Variants in ANO5 observed in about 807,000 individuals in gnomAD.
ANO5 encodes anoctamin-5.
A neutral mutation model predicts 121.0 loss-of-function variants in ANO5; 109 were observed. The ratio of observed to expected loss-of-function variants is 0.90; its 90% confidence interval spans 0.77 to 1.06. The LOEUF is 1.06. Among genes scored for constraint, ANO5 ranks in the 50% least tolerant of loss-of-function variants. ANO5 has a pLI of 0.00. For synonymous variants in ANO5, 406 were observed against 359.9 expected, an observed-to-expected ratio of 1.13 and a Z score of -1.45; for missense variants, 1,064 against 1,078.5, an observed-to-expected ratio of 0.99 and a Z score of 0.19.
intron 9 of ANO5, among the ~76,000 whole-genome samples, chr11:22,247,041 C>G (rs1437736441): frequency 6.6e-6 from 1 of 151,982 alleles, no homozygotes; most frequent in East Asian, 1.9e-4. Flanking sequence ...GGAACACACA[C>G]AAATGCGTAT....
intron 17 of ANO5, among the ~76,000 whole-genome samples, chr11:22,269,057 G>T (rs1296960094): frequency 6.7e-6 from 1 of 149,796 alleles, no homozygotes; most frequent in Non-Finnish European, 1.5e-5. Context: ...GGGAGAGAGA[G>T]AGAAAAGGAA....
At chr11:22,226,514 C>T (rs1374319214) in intron 6 of ANO5, among the ~76,000 whole-genome samples, 2 of 151,914 alleles carry the variant, frequency 1.3e-5, no homozygotes, top group African/African-American at 4.8e-5. Context: ...TATTTAATAT[C>T]TTACCCTATC....
At chr11:22,276,045 G>A in intron 20 of ANO5, 49 bp from the exon 21 acceptor site, 1 of 1,246,398 alleles carries the variant, frequency 8.0e-7, no homozygotes, top group South Asian at 1.2e-5. Flanking sequence ...TCTAGTTGAA[G>A]CTATAACTAT....
chr11:22,222,182 C>G (rs992067226), intron 5 of ANO5, among the ~76,000 whole-genome samples: 2 of 151,862 alleles, frequency 1.3e-5, no homozygotes, highest in South Asian at 4.1e-4. Flanking sequence ...TTCACTTGTC[C>G]CTGAAATTCC....
At chr11:22,262,090 A>T in intron 15 of ANO5, 39 bp from the exon 16 acceptor site, 1 of 1,605,472 alleles carries the variant, frequency 6.2e-7, no homozygotes. Flanking sequence ...AAGGAAAAAA[A>T]TAAGAAGATG....
At chr11:22,275,564 T>C (rs1042486488) in intron 20 of ANO5, among the ~76,000 whole-genome samples, 1 of 151,840 alleles carries the variant, frequency 6.6e-6, no homozygotes, top group African/African-American at 2.4e-5. Context: ...AGTGACTTTA[T>C]AGAAGAGAAT....
At chr11:22,203,874 A>T in intron 2 of ANO5, 24 bp downstream of exon 2, 1 of 1,392,616 alleles carries the variant, frequency 7.2e-7, no homozygotes. Flanking sequence ...ATATGCATTA[A>T]CTTCCTTATA....
intron 1 of ANO5, among the ~76,000 whole-genome samples, chr11:22,197,316 C>T (rs181858228): frequency 6.6e-6 from 1 of 151,066 alleles, no homozygotes; most frequent in East Asian, 1.9e-4. Flanking sequence ...CATAAACAAA[C>T]ATTGCCAGTA....
At chr11:22,205,029 G>C (rs1161178408) in intron 2 of ANO5, among the ~76,000 whole-genome samples, 1 of 152,104 alleles carries the variant, frequency 6.6e-6, no homozygotes, top group South Asian at 2.1e-4. Flanking sequence ...AAAATGACAA[G>C]ATCATGTCCT....
chr11:22,250,195 C>CA (rs1468077812), intron 9 of ANO5, 42 bp from the exon 10 acceptor site: 3 of 1,526,136 alleles, frequency 2.0e-6, no homozygotes, highest in Non-Finnish European at 2.7e-6. Context: ...CAGACTATAA[C>CA]ATTCTTCCAT....
In ANO5 at chr11:22,283,178, A is replaced by T. The variant is rs994486454; in HGVS notation, c.*3413A>T. Reference sequence around the variant, plus strand: ...GTGTATCTCTCCTATGTGTGACATTATGTCTCCTGGTGTTAACACAGGAAA... The same window carrying T: ...GTGTATCTCTCCTATGTGTGACATTTTGTCTCCTGGTGTTAACACAGGAAA... On this transcript the variant is annotated 3_prime_UTR_variant, in exon 22 of 22. Coordinates refer to ENST00000324559, the MANE Select transcript of ANO5 (RefSeq NM_213599.3). The T allele has an allele frequency of 6.6e-6, 1 of 152,186 alleles. No individual in the cohort carries two copies. Among genetic ancestry groups the T allele is most frequent in the Non-Finnish European group, 1.5e-5 (1 of 68,022 alleles). The allele number at this position is 152,186 out of a possible 1,614,324, so 9.4% of individuals were successfully genotyped here. A position where few individuals can be genotyped will look rare whatever the true frequency, so the allele number is the denominator to read the frequency against.
In ANO5 at chr11:22,227,574, A is replaced by T. The variant is rs750546581; in HGVS notation, c.636A>T (p.Ser212=). The change falls in exon 7 of 22, where the codon TCA becomes TCT. Residue 212 remains serine, a synonymous_variant. Transcript: ENST00000324559. ...EDQATFFPSS[S]RNRIVYYILS... The stretch of plus-strand genomic sequence containing the variant: ...AGGCAACCTTCTTTCCATCCTCATC[A>T]AGAAACAGAATTGTAGGTAGAGAAG... 2.5e-6 allele frequency: 4 copies of T among 1,613,374 alleles called. No homozygotes were observed. The highest frequency in any genetic ancestry group is 1.7e-4 in the Middle Eastern group (1 of 6,050).
intron 3 of ANO5, among the ~76,000 whole-genome samples, chr11:22,217,189 A>G (rs1366223442): frequency 6.6e-6 from 1 of 151,954 alleles, no homozygotes; most frequent in Non-Finnish European, 1.5e-5. Flanking sequence ...TATTCCAGGA[A>G]GAGACTAGTT....
chr11:22,276,806 G>A (rs1440612929), intron 21 of ANO5, among the ~76,000 whole-genome samples: 1 of 151,344 alleles, frequency 6.6e-6, no homozygotes, highest in African/African-American at 2.4e-5. Flanking sequence ...CAAATCATAG[G>A]GCAAGAAGGC....
intron 8 of ANO5, 68 bp downstream of exon 8, chr11:22,236,344 A>G: frequency 7.8e-6 from 10 of 1,276,032 alleles, no homozygotes; most frequent in Non-Finnish European, 1.1e-5. Flanking sequence ...ACTGGGAGAG[A>G]GAATCTTCCT....
At position 22,276,165 on chromosome 11, in the gene ANO5, T is replaced by G; in HGVS notation, c.2486T>G (p.Leu829Arg). ...CATAATATGCAATTCTGGCATGTCC[T>G]TGCTGCCAAGATGACCTTCATCATT... ...YFHNMQFWHV[L>R]AAKMTFIIVM... Residue 829 changes from leucine (L) to arginine (R), a missense_variant, in exon 21 of 22, where the codon CTT (leucine) becomes CGT (arginine). Leu to Arg is a moderately radical substitution (Grantham distance 102). Coordinates refer to ENST00000324559, the MANE Select transcript of ANO5 (RefSeq NM_213599.3). 6.2e-7 allele frequency: 1 copy of G among 1,611,580 alleles called. No homozygotes were observed. Among genetic ancestry groups the G allele is most frequent in the Non-Finnish European group, 8.5e-7 (1 of 1,178,108 alleles).
intron 3 of ANO5, among the ~76,000 whole-genome samples, chr11:22,214,832 T>A (rs1852389068): frequency 6.6e-6 from 1 of 151,940 alleles, no homozygotes; most frequent in African/African-American, 2.4e-5. Context: ...GGATATGTTT[T>A]TGGGTAAAAA....
chr11:22,261,161 G>A (rs1854175070), intron 15 of ANO5: 1 of 152,170 alleles, frequency 6.6e-6, no homozygotes, highest in Non-Finnish European at 1.5e-5. Context: ...CTTATTTGGT[G>A]TATTAGTTTG....
intron 2 of ANO5, among the ~76,000 whole-genome samples, chr11:22,209,008 A>G (rs556470070): frequency 7.9e-4 from 120 of 152,096 alleles, no homozygotes; most frequent in Middle Eastern, 6.8e-3. Flanking sequence ...GGATTGAGGC[A>G]GAACTAGAAT....
Sources: gnomAD v4.1 joint callset for allele counts (sites outside exome capture counted in the v4.1 genomes callset) on GRCh38, gnomAD v4.1.1 for gene constraint, MANE v1.5 for transcripts, NCBI Gene and HGNC (gene_info 2026-07-23, HGNC 2026-07-21) for gene names.